Variants in THSD7A observed in about 807,000 individuals in gnomAD.
THSD7A encodes the protein thrombospondin type-1 domain-containing protein 7A.
THSD7A carries 96 observed loss-of-function variants against 231.3 expected under a neutral mutation model. The ratio of observed to expected loss-of-function variants is 0.41; its 90% CI spans 0.35 to 0.49. THSD7A has a LOEUF of 0.49. Among genes scored for constraint, THSD7A ranks in the 20% least tolerant of loss-of-function variants. The pLI, the probability that THSD7A is intolerant of heterozygous loss-of-function variation, is 0.05. For synonymous variants in THSD7A, 940 were observed against 743.3 expected (o/e 1.26, Z -4.30); for missense variants, 2,290 against 2,070.2 (o/e 1.11, Z -2.06).
At chr7:11,708,010 A>G (rs934346011) in intron 1 of THSD7A, among the ~76,000 whole-genome samples, 4 of 150,764 alleles carry the variant, frequency 2.7e-5, no homozygotes, top group African/African-American at 9.7e-5. Flanking sequence ...CAAACCAAAT[A>G]TTCCTTGCAA....
At chr7:11,551,648 C>A (rs1051050742) in intron 4 of THSD7A, among the ~76,000 whole-genome samples, 2 of 151,972 alleles carry the variant, frequency 1.3e-5, no homozygotes, top group African/African-American at 4.8e-5. Flanking sequence ...CATGAGATAA[C>A]CATCTCACAC....
intron 1 of THSD7A, among the ~76,000 whole-genome samples, chr7:11,721,508 C>A (rs1195996820): frequency 6.6e-6 from 1 of 151,788 alleles, no homozygotes; most frequent in Non-Finnish European, 1.5e-5. Flanking sequence ...GTTTCCTATA[C>A]AGCCTACGGA....
chr7:11,685,974 C>T (rs1390154006), intron 1 of THSD7A, among the ~76,000 whole-genome samples: 1 of 151,778 alleles, frequency 6.6e-6, no homozygotes, highest in Non-Finnish European at 1.5e-5. Flanking sequence ...AACTTGGTGC[C>T]CATTAATGGT....
In THSD7A at chr7:11,653,122, A is replaced by G. The variant is rs367877821; in HGVS notation, c.191-16161T>C. On this transcript the variant is annotated intron_variant, in intron 1 of 27. Transcript: ENST00000423059. ...TTCTCACCATCTGCATCTTTCAACA[A>G]CCCTGCCATACAGGTTTTAACTACC... 7.2e-5 allele frequency among the ~76,000 whole-genome samples: 11 copies of G among 151,866 alleles called. No homozygotes were observed. In the East Asian group the frequency reaches 1.8e-3, roughly 24 times the overall value.
chr7:11,479,906 C>G (rs1300769948), intron 7 of THSD7A, among the ~76,000 whole-genome samples: 1 of 151,946 alleles, frequency 6.6e-6, no homozygotes, highest in Non-Finnish European at 1.5e-5. Flanking sequence ...TTCAAAATAG[C>G]TGGAAGAGAG....
At chr7:11,447,148 C>G (rs1784995993) in intron 12 of THSD7A, 82 bp downstream of exon 12, 2 of 1,309,704 alleles carry the variant, frequency 1.5e-6, no homozygotes, top group Non-Finnish European at 2.2e-6. Flanking sequence ...TTCAAATACA[C>G]TGTCAGAATT....
chr7:11,397,113 G>A (rs1023796095), intron 23 of THSD7A, among the ~76,000 whole-genome samples: 3 of 151,986 alleles, frequency 2.0e-5, no homozygotes, highest in African/African-American at 7.3e-5. Context: ...AATAAACTAG[G>A]TATTGATGGA....
At position 11,481,951 on chromosome 7, in the gene THSD7A, A is replaced by C; in HGVS notation, c.1854T>G (p.Asp618Glu). Residue 618 changes from aspartate (D) to glutamate (E), a missense_variant, in exon 7 of 28, where the codon GAT becomes GAG. Asp to Glu is a conservative substitution (Grantham distance 45). Coordinates refer to ENST00000423059, the MANE Select transcript of THSD7A (RefSeq NM_015204.3). ...AGGCCACAGGGATGGGGAAGATGGCATCTCTGCACAGCTGTCTGTCAACTT... is the reference window on the plus strand; with the variant it reads ...AGGCCACAGGGATGGGGAAGATGGCCTCTCTGCACAGCTGTCTGTCAACTT... ...GEEVDRQLCR[D>E]AIFPIPVACD... 1 of 1,612,812 alleles carries C rather than the reference A, an allele frequency of 6.2e-7. No homozygotes were observed. Among genetic ancestry groups the C allele is most frequent in the Non-Finnish European group, 8.5e-7 (1 of 1,179,130 alleles).
intron 2 of THSD7A, among the ~76,000 whole-genome samples, chr7:11,598,426 C>T (rs1400682765): frequency 6.6e-6 from 1 of 152,196 alleles, no homozygotes; most frequent in Non-Finnish European, 1.5e-5. Context: ...TCCCCAGCCA[C>T]CCCTGTCATC....
In THSD7A at chr7:11,411,229, A is replaced by G. The variant is rs778120699; in HGVS notation, c.3776T>C (p.Val1259Ala). Residue 1259 changes from valine to alanine, a missense_variant, in exon 19 of 28, where the codon GTT (valine) becomes GCT (alanine). By Grantham distance (64) the Val-to-Ala change is moderately conservative. Coordinates refer to ENST00000423059, the MANE Select transcript of THSD7A (RefSeq NM_015204.3). This position sits in a 1 kb window ranked among gnomAD's most constrained non-coding sequence, Gnocchi z 4.1. Reference sequence around the variant, plus strand: ...TACCGCTTCACAATATTTCAGGTCAACTGACTTGCCATCACTTCGAACACA... The same window carrying G: ...TACCGCTTCACAATATTTCAGGTCAGCTGACTTGCCATCACTTCGAACACA... ...LDCVRSDGKSVDLKYCEALGL... is the reference protein window; with the variant it reads ...LDCVRSDGKSADLKYCEALGL... 3 of 1,613,704 alleles carry G rather than the reference A, an allele frequency of 1.9e-6. No homozygotes were observed. The highest frequency in any genetic ancestry group is 2.2e-5 in the East Asian group (1 of 44,882).
intron 6 of THSD7A, among the ~76,000 whole-genome samples, chr7:11,500,966 G>C (rs1398051013): frequency 2.0e-5 from 3 of 150,852 alleles, no homozygotes; most frequent in Non-Finnish European, 4.4e-5. Context: ...AGAAAAAAAG[G>C]AGTTGCAATC....
At chr7:11,412,280 C>T (rs1206107879) in intron 18 of THSD7A, among the ~76,000 whole-genome samples, 1 of 152,048 alleles carries the variant, frequency 6.6e-6, no homozygotes, top group Non-Finnish European at 1.5e-5. Context: ...TGAATTGTTG[C>T]CCCAGTATGT....
intron 6 of THSD7A, among the ~76,000 whole-genome samples, chr7:11,530,737 T>C (rs1458248537): frequency 2.0e-5 from 3 of 152,018 alleles, no homozygotes; most frequent in African/African-American, 4.8e-5. Flanking sequence ...TGCCCAGGCA[T>C]GGTGGCTCAT....
intron 6 of THSD7A, among the ~76,000 whole-genome samples, chr7:11,511,871 T>C (rs553624522): frequency 6.6e-6 from 1 of 152,312 alleles, no homozygotes; most frequent in African/African-American, 2.4e-5. Flanking sequence ...GACATAGGCA[T>C]GGGCAAGGAC....
At chr7:11,813,703 A>T (rs1332760242) in intron 1 of THSD7A, among the ~76,000 whole-genome samples, 1 of 145,366 alleles carries the variant, frequency 6.9e-6, no homozygotes, top group African/African-American at 2.6e-5. Flanking sequence ...ACAGAGCAAG[A>T]CTCCATCTCA....
chr7:11,711,476 A>G (rs73677814), intron 1 of THSD7A, among the ~76,000 whole-genome samples: 1 of 151,000 alleles, frequency 6.6e-6, no homozygotes, highest in Non-Finnish European at 1.5e-5. Context: ...CTATTCCTAC[A>G]TTTATTTTTC....
chr7:11,583,559 A>T (rs1791263766), intron 4 of THSD7A, among the ~76,000 whole-genome samples: 1 of 152,114 alleles, frequency 6.6e-6, no homozygotes, highest in Non-Finnish European at 1.5e-5. Flanking sequence ...TACAGGCAAG[A>T]GTCACCATGC....
intron 23 of THSD7A, among the ~76,000 whole-genome samples, chr7:11,395,266 A>G (rs1463203834): frequency 6.6e-6 from 1 of 152,214 alleles, no homozygotes; most frequent in Admixed American, 6.5e-5. Flanking sequence ...TAACAAGAAC[A>G]GCTAACTATC....
At chr7:11,693,689 T>A (rs1486697280) in intron 1 of THSD7A, among the ~76,000 whole-genome samples, 1 of 151,496 alleles carries the variant, frequency 6.6e-6, no homozygotes, top group Admixed American at 6.6e-5. Flanking sequence ...GTTTTCCTCA[T>A]CTAGAAATCA....
Sources: gnomAD v4.1 joint callset for allele counts (sites outside exome capture counted in the v4.1 genomes callset) on GRCh38, gnomAD v4.1.1 for gene constraint, Gnocchi (gnomAD v3.1) non-coding constraint, MANE v1.5 for transcripts, NCBI Gene and HGNC (gene_info 2026-07-23, HGNC 2026-07-21) for gene names.